The following CNTN5 variants were observed in gnomAD, a reference collection of about 807,000 sequenced individuals.
The protein encoded by CNTN5 is contactin-5.
CNTN5 carries 77 observed loss-of-function variants against 129.1 expected under a neutral mutation model. The observed-to-expected ratio is 0.60, with a 90% CI of 0.50 to 0.72. The LOEUF (loss-of-function observed/expected upper bound fraction) is 0.72, where lower values mean the gene tolerates loss of function less well. Ranked by LOEUF, CNTN5 falls within the 30% of genes least tolerant of loss-of-function variation. The probability of loss-of-function intolerance (pLI) is 0.00; values close to 1 mark genes in which losing one functional copy is unlikely to be tolerated. For synonymous variants in CNTN5, 509 were observed against 465.6 expected, an observed-to-expected ratio of 1.09 and a Z score of -1.20; for missense variants, 1,478 against 1,328.8, an observed-to-expected ratio of 1.11 and a Z score of -1.75.
intron 1 of CNTN5, among the ~76,000 whole-genome samples, chr11:99,260,608 C>G (rs552325649): frequency 1.3e-5 from 2 of 151,908 alleles, no homozygotes; most frequent in African/African-American, 4.8e-5. Flanking sequence ...AACAAGAAAA[C>G]TACACACAAC....
chr11:100,288,449 A>G (rs538017008), intron 18 of CNTN5, among the ~76,000 whole-genome samples: 4 of 152,362 alleles, frequency 2.6e-5, no homozygotes, highest in African/African-American at 4.8e-5. Context: ...CTCAGGATTA[A>G]GAACCTCACC....
chr11:99,610,640 A>G (rs964805637), intron 3 of CNTN5, among the ~76,000 whole-genome samples: 26 of 152,172 alleles, frequency 1.7e-4, no homozygotes, highest in African/African-American at 6.3e-4. Flanking sequence ...GAAAATTACT[A>G]CAAGGGAACA....
At chr11:100,060,640 C>CTTTT (rs10700520) in intron 9 of CNTN5, among the ~76,000 whole-genome samples, 3 of 137,414 alleles carry the variant, frequency 2.2e-5, no homozygotes, top group Non-Finnish European at 3.1e-5. Flanking sequence ...AATTTTTTTT[C>CTTTT]TTTTTTTTTT....
intron 3 of CNTN5, among the ~76,000 whole-genome samples, chr11:99,705,758 T>G (rs1201050218): frequency 6.6e-6 from 1 of 151,460 alleles, no homozygotes; most frequent in Non-Finnish European, 1.5e-5. Flanking sequence ...GCAGGGGCGA[T>G]GGGTTTGAAA....
chr11:99,133,711 CA>C (rs1859074484), intron 1 of CNTN5, among the ~76,000 whole-genome samples: 1 of 151,244 alleles, frequency 6.6e-6, no homozygotes, highest in South Asian at 2.1e-4. Flanking sequence ...AATGAGATAT[CA>C]TCTCACACCA....
At chr11:100,133,651 T>G (rs1258562056) in intron 13 of CNTN5, among the ~76,000 whole-genome samples, 1 of 152,132 alleles carries the variant, frequency 6.6e-6, no homozygotes, top group Non-Finnish European at 1.5e-5. Flanking sequence ...ATGCCTCTTC[T>G]TCACTCATTC....
intron 13 of CNTN5, among the ~76,000 whole-genome samples, chr11:100,084,395 C>A (rs1474984239): frequency 6.6e-6 from 1 of 152,040 alleles, no homozygotes; most frequent in African/African-American, 2.4e-5. Context: ...TCTGAGGCTG[C>A]TTAGAAAAAA....
intron 1 of CNTN5, among the ~76,000 whole-genome samples, chr11:99,214,541 C>G (rs1288721778): frequency 6.6e-6 from 1 of 151,372 alleles, no homozygotes; most frequent in Non-Finnish European, 1.5e-5. Context: ...TGTTTAGGAC[C>G]TTTTATTTTC....
chr11:99,167,685 G>A (rs964097782), intron 1 of CNTN5, among the ~76,000 whole-genome samples: 7 of 152,040 alleles, frequency 4.6e-5, no homozygotes, highest in Non-Finnish European at 7.4e-5. Flanking sequence ...ACAATGGGGT[G>A]TGAAAGAACT....
At chr11:99,105,267 G>A (rs947589738) in intron 1 of CNTN5, among the ~76,000 whole-genome samples, 3 of 151,962 alleles carry the variant, frequency 2.0e-5, no homozygotes, top group Non-Finnish European at 2.9e-5. Flanking sequence ...AAGTAATCAC[G>A]CTATAGTAAC....
intron 6 of CNTN5, among the ~76,000 whole-genome samples, chr11:99,878,310 G>C (rs933033731): frequency 6.6e-6 from 1 of 151,974 alleles, no homozygotes; most frequent in African/African-American, 2.4e-5. Context: ...TGTGTGTTTT[G>C]TCATAAAAGA....
At position 99,138,196 on chromosome 11, in the gene CNTN5, A is replaced by C. The variant is rs367974853; in HGVS notation, c.-210+116926A>C. Among the ~76,000 whole-genome samples, 9 of 152,184 alleles carry C rather than the reference A, an allele frequency of 5.9e-5. No homozygotes were observed. In the South Asian group the frequency reaches 6.2e-4, roughly 10 times the overall value. ...TTTAATCAATACTTATACACATACCACAATCCAACATGATAGGTGTTAGGT... is the reference window on the plus strand; with the variant it reads ...TTTAATCAATACTTATACACATACCCCAATCCAACATGATAGGTGTTAGGT... On this transcript the variant is annotated intron_variant, in intron 1 of 24. Coordinates refer to ENST00000524871, the MANE Select transcript of CNTN5 (RefSeq NM_014361.4).
At chr11:99,465,529 A>G (rs1334293347) in intron 2 of CNTN5, among the ~76,000 whole-genome samples, 1 of 151,942 alleles carries the variant, frequency 6.6e-6, no homozygotes, top group African/African-American at 2.4e-5. Flanking sequence ...TGTGTTTTCC[A>G]TAGGCCTCAT....
chr11:99,553,469 T>G (rs1948560857), intron 2 of CNTN5, among the ~76,000 whole-genome samples: 1 of 152,062 alleles, frequency 6.6e-6, no homozygotes, highest in Non-Finnish European at 1.5e-5. Context: ...TAACTATGTT[T>G]TCAAAAGAAA....
rs372582325 is a variant in CNTN5 at position 99,688,092 on chromosome 11, T to C, written c.56-131452T>C. On this transcript the variant is annotated intron_variant, in intron 3 of 24. Transcript: ENST00000524871. ...TCAGCAGTGGATTCCCTTTGCGATA[T>C]ATTCACCCTGGTTATTTATTTCTTA... Among the ~76,000 whole-genome samples the C allele has an allele frequency of 3.3e-4, 50 of 152,332 alleles. No homozygotes were observed. In the South Asian group the frequency reaches 9.5e-3, roughly 29 times the overall value.
chr11:99,922,890 T>C lies in CNTN5; in HGVS notation c.673+6741T>C, dbSNP rs892106434. On this transcript the variant is annotated intron_variant, in intron 7 of 24. Coordinates refer to ENST00000524871, the MANE Select transcript of CNTN5 (RefSeq NM_014361.4). ...TTGAGTTTTGCAAGGTTTTAGACAG[T>C]TTCTGTCAGCCTTCTGGTATTAGCT... is the stretch of plus-strand genomic sequence containing the variant. Among the ~76,000 whole-genome samples, 5 of 152,340 alleles carry C rather than the reference T, an allele frequency of 3.3e-5. No homozygotes were observed. The South Asian group carries it at 1.0e-3, about 32-fold the overall frequency.
At chr11:100,201,527 T>C (rs930410178) in intron 15 of CNTN5, among the ~76,000 whole-genome samples, 1 of 151,966 alleles carries the variant, frequency 6.6e-6, no homozygotes, top group Admixed American at 6.6e-5. Context: ...TTTCTCAGTA[T>C]TCAACTTTAC....
intron 3 of CNTN5, among the ~76,000 whole-genome samples, chr11:99,582,234 C>A (rs1441792260): frequency 3.3e-5 from 5 of 152,280 alleles, no homozygotes; most frequent in East Asian, 1.9e-4. Flanking sequence ...GGTAACCCGA[C>A]CTTTCTCTCT....
chr11:99,110,099 C>T lies in CNTN5; in HGVS notation c.-210+88829C>T, dbSNP rs556032991. Among the ~76,000 whole-genome samples the T allele has an allele frequency of 9.2e-5, 14 of 152,188 alleles. No individual in the cohort carries two copies. In the South Asian group the frequency reaches 2.3e-3, roughly 25 times the overall value. On this transcript the variant is annotated intron_variant, in intron 1 of 24. Coordinates refer to ENST00000524871, the MANE Select transcript of CNTN5 (RefSeq NM_014361.4). Reference sequence around the variant, plus strand: ...TCTTGAGAAAGAAGGGAACCTCGCTCGGAGTGCACAGAGCTTGCCATGACT... The same window carrying T: ...TCTTGAGAAAGAAGGGAACCTCGCTTGGAGTGCACAGAGCTTGCCATGACT...
Sources: gnomAD v4.1 joint callset for allele counts (sites outside exome capture counted in the v4.1 genomes callset) on GRCh38, gnomAD v4.1.1 for gene constraint, MANE v1.5 for transcripts, NCBI Gene and HGNC (gene_info 2026-07-23, HGNC 2026-07-21) for gene names.